The following NMT1 variants were observed in gnomAD, a reference collection of about 807,000 sequenced individuals.
NMT1 encodes N-myristoyltransferase 1, also known as glycylpeptide N-tetradecanoyltransferase 1.
Under a neutral mutation model 63.4 loss-of-function variants are expected in NMT1, and 12 were observed. The ratio of observed to expected loss-of-function variants is 0.19; its 90% CI spans 0.12 to 0.31. The LOEUF (loss-of-function observed/expected upper bound fraction) is 0.31, where lower values mean the gene tolerates loss of function less well. Among genes scored for constraint, NMT1 ranks in the 10% least tolerant of loss-of-function variants. The pLI, the probability that NMT1 is intolerant of heterozygous loss-of-function variation, is 1.00. For synonymous variants in NMT1, 228 were observed against 234.3 expected (o/e 0.97, Z 0.25); for missense variants, 432 against 634.6 (o/e 0.68, Z 3.43).
At chr17:45,062,625 A>G (rs1032962338) in intron 1 of NMT1, among the ~76,000 whole-genome samples, 1 of 152,222 alleles carries the variant, frequency 6.6e-6, no homozygotes, top group African/African-American at 2.4e-5. Flanking sequence ...ATTGTATTAT[A>G]GTTGCCTGCA....
chr17:45,081,718 G>A lies in NMT1; in HGVS notation c.206G>A (p.Ser69Asn). The change falls in exon 2 of 12, where the codon AGT becomes AAT. Residue 69 changes from serine to asparagine, a missense_variant. Coordinates refer to ENST00000258960, the MANE Select transcript of NMT1 (RefSeq NM_021079.5). ...KKQKKKKEKG[S>N]ETDSAQDQPV... ...CAAAAAAAGAAGAAAGAAAAAGGCA[G>A]TGAGACAGATTCAGCCCAGGATCAG... The A allele has an allele frequency of 6.3e-7, 1 of 1,594,406 alleles. No individual in the cohort carries two copies. The highest frequency in any genetic ancestry group is 8.6e-7 in the Non-Finnish European group (1 of 1,169,054).
chr17:45,104,673 G>T lies in NMT1; in HGVS notation c.1333-186G>T. ...ACACTGGGCAGAGGCCAGGCTGGAG[G>T]GGGCGCTCAGAGTGTCCTGAGAACC... On this transcript the variant is annotated intron_variant, in intron 10 of 11. Coordinates refer to ENST00000258960, the MANE Select transcript of NMT1 (RefSeq NM_021079.5). The surrounding 1 kb of genome is among the most constrained non-coding windows in gnomAD (Gnocchi z 4.2). 1 of 1,429,654 alleles carries T rather than the reference G, an allele frequency of 7.0e-7. No homozygotes were observed. The highest frequency in any genetic ancestry group is 9.1e-7 in the Non-Finnish European group (1 of 1,094,534). 88.6% of individuals were successfully genotyped at this position (1,429,654 alleles called of 1,614,324 possible). A position where few individuals can be genotyped will look rare whatever the true frequency, so the allele number is the denominator to read the frequency against.
chr17:45,081,163 C>G (rs939771860), intron 1 of NMT1, among the ~76,000 whole-genome samples: 1 of 152,178 alleles, frequency 6.6e-6, no homozygotes, highest in Non-Finnish European at 1.5e-5. Context: ...TTCATACTGT[C>G]TTGTGCTCCA....
chr17:45,093,538 A>AT, intron 3 of NMT1, 147 bp from the exon 4 acceptor site: 1 of 618,024 alleles, frequency 1.6e-6, no homozygotes, highest in Non-Finnish European at 2.8e-6. Flanking sequence ...AGCTGGAAAG[A>AT]CGGTTTGCAG....
At chr17:45,081,510 T>C in intron 1 of NMT1, 134 bp from the exon 2 acceptor site, 1 of 759,322 alleles carries the variant, frequency 1.3e-6, no homozygotes, top group East Asian at 2.5e-5. Context: ...TTTCTGGACC[T>C]GGGTTCTTCA....
Position 45,097,261 on chromosome 17 carries a change from A to AC in NMT1, c.713+22dup, listed in dbSNP as rs1438664795. The stretch of plus-strand genomic sequence containing the variant: ...CTATGACACGTAAGCACCTGCACCT[A>AC]CCCCCACCCCCCACAACACCGCCAT... On this transcript the variant is annotated intron_variant, in intron 6 of 11. Transcript: ENST00000258960. 3.2e-6 allele frequency: 5 copies of AC among 1,549,756 alleles called. No individual in the cohort carries two copies. The Admixed American group carries it at 6.7e-5, about 21-fold the overall frequency.
chr17:45,068,710 G>A (rs548758316), intron 1 of NMT1, among the ~76,000 whole-genome samples: 1 of 151,952 alleles, frequency 6.6e-6, no homozygotes, highest in African/African-American at 2.4e-5. Flanking sequence ...ACAGTGGCAC[G>A]ATCTTAGCTC....
At chr17:45,077,471 A>G (rs1323080758) in intron 1 of NMT1, among the ~76,000 whole-genome samples, 4 of 152,222 alleles carry the variant, frequency 2.6e-5, no homozygotes, top group African/African-American at 4.8e-5. Context: ...GCTTACCACA[A>G]TCTTCACCTC....
chr17:45,096,134 A>C, intron 4 of NMT1, 60 bp from the exon 5 acceptor site: 1 of 1,236,646 alleles, frequency 8.1e-7, no homozygotes, highest in Admixed American at 1.7e-5. Context: ...GCCCCAGGGT[A>C]TTGGAGTTGG....
Position 45,094,803 on chromosome 17 carries a change from A to C in NMT1, c.504+1000A>C, listed in dbSNP as rs1005699061. ...GTGCTGGGATTACAGGCAATGAGCC[A>C]CTAGGCCTGGCTTTTTTTTTTTTTT... On this transcript the variant is annotated intron_variant, in intron 4 of 11. Coordinates refer to ENST00000258960, the MANE Select transcript of NMT1 (RefSeq NM_021079.5). Among the ~76,000 whole-genome samples, 10 of 129,628 alleles carry C rather than the reference A, an allele frequency of 7.7e-5. 1 individual carries two copies. In the South Asian group the frequency reaches 2.3e-3, roughly 30 times the overall value. The allele number at this position is 129,628 out of a possible 152,430, so 85.0% of individuals were successfully genotyped here. A position where few individuals can be genotyped will look rare whatever the true frequency, so the allele number is the denominator to read the frequency against.
At chr17:45,084,336 C>CTTT (rs59845744) in intron 2 of NMT1, among the ~76,000 whole-genome samples, 14 of 141,164 alleles carry the variant, frequency 9.9e-5, no homozygotes, top group South Asian at 4.3e-4. Flanking sequence ...GCTTGGTAAA[C>CTTT]TTTTTTTTTT....
chr17:45,088,193 G>A (rs1053801502), intron 3 of NMT1, among the ~76,000 whole-genome samples: 1 of 152,086 alleles, frequency 6.6e-6, no homozygotes, highest in African/African-American at 2.4e-5. Flanking sequence ...CAGGTCCCAG[G>A]CCCACTGGCT....
chr17:45,061,408 C>G lies in NMT1; in HGVS notation c.79C>G (p.His27Asp). ...PQMMEGNGNGHEHCSDCENEE... is the reference protein window; with the variant it reads ...PQMMEGNGNGDEHCSDCENEE... Reference sequence around the variant, plus strand: ...GATGATGGAAGGGAACGGGAACGGCCATGAGCACTGCAGCGATTGCGAGAA... The same window carrying G: ...GATGATGGAAGGGAACGGGAACGGCGATGAGCACTGCAGCGATTGCGAGAA... Residue 27 changes from histidine to aspartate, a missense_variant, in exon 1 of 12, where the codon CAT becomes GAT. Physicochemically the swap from His to Asp is moderately conservative, Grantham distance 81. Coordinates refer to ENST00000258960, the MANE Select transcript of NMT1 (RefSeq NM_021079.5). 1.2e-6 allele frequency: 2 copies of G among 1,614,052 alleles called. No individual in the cohort carries two copies. The highest frequency in any genetic ancestry group is 1.7e-6 in the Non-Finnish European group (2 of 1,179,996).
intron 2 of NMT1, among the ~76,000 whole-genome samples, chr17:45,084,457 C>T (rs2054038366): frequency 6.6e-6 from 1 of 151,618 alleles, no homozygotes; most frequent in Non-Finnish European, 1.5e-5. Context: ...GCCTCAGCCT[C>T]CCGAGTAGCT....
In NMT1 at chr17:45,107,094, C is replaced by A. The variant is rs1283604944; in HGVS notation, c.*1455C>A. On this transcript the variant is annotated 3_prime_UTR_variant, in exon 12 of 12. Coordinates refer to ENST00000258960, the MANE Select transcript of NMT1 (RefSeq NM_021079.5). Reference sequence around the variant, plus strand: ...TGTGCGGGTTTCCTTGCTGCCGTCACCTCTCCGCTCATACAGGAATGAAGC... The same window carrying A: ...TGTGCGGGTTTCCTTGCTGCCGTCAACTCTCCGCTCATACAGGAATGAAGC... 6.6e-6 allele frequency: 1 copy of A among 152,218 alleles called. No individual in the cohort carries two copies. 9.4% of individuals were successfully genotyped at this position (152,218 alleles called of 1,614,324 possible).
At chr17:45,078,322 G>A (rs1272499183) in intron 1 of NMT1, among the ~76,000 whole-genome samples, 1 of 152,182 alleles carries the variant, frequency 6.6e-6, no homozygotes, top group Non-Finnish European at 1.5e-5. Flanking sequence ...GAAAGATTGT[G>A]AAGGCAAAGA....
chr17:45,065,765 A>C (rs2053898896), intron 1 of NMT1, among the ~76,000 whole-genome samples: 1 of 152,076 alleles, frequency 6.6e-6, no homozygotes, highest in Non-Finnish European at 1.5e-5. Flanking sequence ...AAATGTTCTC[A>C]AAAATCATGT....
intron 4 of NMT1, 67 bp from the exon 5 acceptor site, chr17:45,096,127 C>CCA: frequency 8.4e-7 from 1 of 1,188,732 alleles, no homozygotes; most frequent in Non-Finnish European, 1.3e-6. Context: ...GCCTAGAGCC[C>CCA]CAGGGTATTG....
At chr17:45,089,486 T>C (rs111630045) in intron 3 of NMT1, among the ~76,000 whole-genome samples, 16,532 of 151,738 alleles carry the variant, frequency 0.11, 1,008 homozygotes, top group Middle Eastern at 0.18. Flanking sequence ...GGATTACAGG[T>C]GCCCACCACC....
Sources: gnomAD v4.1 joint callset for allele counts (sites outside exome capture counted in the v4.1 genomes callset) on GRCh38, gnomAD v4.1.1 for gene constraint, Gnocchi (gnomAD v3.1) non-coding constraint, MANE v1.5 for transcripts, NCBI Gene and HGNC (gene_info 2026-07-23, HGNC 2026-07-21) for gene names.